Variants in GREM2 observed in about 807,000 individuals in gnomAD.
GREM2 encodes gremlin 2, DAN family BMP antagonist.
GREM2 carries 11 observed loss-of-function variants against 14.2 expected under a neutral mutation model. The observed-to-expected ratio is 0.78, with a 90% CI of 0.49 to 1.28. The LOEUF (loss-of-function observed/expected upper bound fraction) is 1.28, where lower values mean the gene tolerates loss of function less well. GREM2 is among the 50% of genes most tolerant of loss of function. The pLI is 0.00. For synonymous variants in GREM2, 98 were observed against 97.6 expected (o/e 1.00, Z -0.02); for missense variants, 210 against 218.5 (o/e 0.96, Z 0.24).
rs545231652 is a variant in GREM2 at position 240,571,031 on chromosome 1, G to A, written c.-2+40853C>T. Among the ~76,000 whole-genome samples, 3 of 152,226 alleles carry A rather than the reference G, an allele frequency of 2.0e-5. No individual in the cohort carries two copies. In the South Asian group the frequency reaches 6.2e-4, roughly 32 times the overall value. On this transcript the variant is annotated intron_variant, in intron 1 of 1. Coordinates refer to ENST00000318160, the MANE Select transcript of GREM2 (RefSeq NM_022469.4). The stretch of plus-strand genomic sequence containing the variant: ...TTCAACATTTGGAACACTTTAAAAT[G>A]ATCTTTGATAGGAATGATTTTGAAA...
At chr1:240,555,676 C>T (rs1036478400) in intron 1 of GREM2, among the ~76,000 whole-genome samples, 3 of 152,056 alleles carry the variant, frequency 2.0e-5, no homozygotes, top group African/African-American at 7.2e-5. Flanking sequence ...GTAGATGATA[C>T]AGTTAAGAGA....
intron 1 of GREM2, among the ~76,000 whole-genome samples, chr1:240,603,134 G>A (rs373372362): frequency 2.0e-5 from 3 of 152,192 alleles, no homozygotes; most frequent in East Asian, 3.9e-4. Context: ...GGTGCGGTGC[G>A]GAGCTATCAA....
intron 1 of GREM2, among the ~76,000 whole-genome samples, chr1:240,505,981 T>G: frequency 6.6e-6 from 1 of 152,106 alleles, no homozygotes; most frequent in Non-Finnish European, 1.5e-5. Context: ...TAACCATTTT[T>G]TTAAAAAAAA....
At chr1:240,552,002 C>T (rs1445724497) in intron 1 of GREM2, among the ~76,000 whole-genome samples, 1 of 151,962 alleles carries the variant, frequency 6.6e-6, no homozygotes, top group Admixed American at 6.6e-5. Context: ...ACTATGAAGC[C>T]AACATTCTCC....
At chr1:240,567,511 G>C (rs933769571) in intron 1 of GREM2, among the ~76,000 whole-genome samples, 34 of 152,048 alleles carry the variant, frequency 2.2e-4, no homozygotes, top group African/African-American at 6.0e-4. Flanking sequence ...AATTACAATG[G>C]AATAATGTCT....
intron 1 of GREM2, among the ~76,000 whole-genome samples, chr1:240,537,806 A>AAACT (rs1342344647): frequency 6.6e-6 from 1 of 152,102 alleles, no homozygotes; most frequent in East Asian, 1.9e-4. Context: ...ACAAACAAAC[A>AAACT]AAAACACTGA....
chr1:240,508,482 A>G (rs922605458), intron 1 of GREM2, among the ~76,000 whole-genome samples: 68 of 152,306 alleles, frequency 4.5e-4, no homozygotes, highest in African/African-American at 1.5e-3. Flanking sequence ...TCTGCCTTTT[A>G]TAACTGTTTA....
At chr1:240,526,833 A>G (rs1046242993) in intron 1 of GREM2, among the ~76,000 whole-genome samples, 2 of 152,238 alleles carry the variant, frequency 1.3e-5, no homozygotes, top group African/African-American at 4.8e-5. Flanking sequence ...GGATGTCGCC[A>G]GGTTAAAAAT....
At chr1:240,604,096 C>G (rs1160494647) in intron 1 of GREM2, among the ~76,000 whole-genome samples, 1 of 151,722 alleles carries the variant, frequency 6.6e-6, no homozygotes, top group Non-Finnish European at 1.5e-5. Context: ...GTGCCGGGCT[C>G]TCTTTAAAGA....
intron 1 of GREM2, among the ~76,000 whole-genome samples, chr1:240,584,830 A>G (rs1427827605): frequency 2.0e-5 from 3 of 152,350 alleles, no homozygotes; most frequent in Non-Finnish European, 4.4e-5. Flanking sequence ...CACAGGTTAC[A>G]TGAAAATACA....
chr1:240,582,855 A>C (rs2103379212), intron 1 of GREM2, among the ~76,000 whole-genome samples: 1 of 151,684 alleles, frequency 6.6e-6, no homozygotes, highest in Non-Finnish European at 1.5e-5. Context: ...CCAAGGAACA[A>C]AATTTTTTTA....
intron 1 of GREM2, among the ~76,000 whole-genome samples, chr1:240,576,585 GGT>G (rs1381423946): frequency 6.6e-6 from 1 of 152,060 alleles, no homozygotes; most frequent in Non-Finnish European, 1.5e-5. Context: ...AAACAACCCT[GGT>G]TGACCTAGTT....
chr1:240,533,519 A>G (rs1486541576), intron 1 of GREM2, among the ~76,000 whole-genome samples: 1 of 152,110 alleles, frequency 6.6e-6, no homozygotes, highest in Non-Finnish European at 1.5e-5. Context: ...TAAGCATAAT[A>G]TATTTATGTA....
At chr1:240,561,693 T>TATACACAC (rs1679040581) in intron 1 of GREM2, among the ~76,000 whole-genome samples, 1 of 145,722 alleles carries the variant, frequency 6.9e-6, no homozygotes, top group South Asian at 2.2e-4. Context: ...TAATCCTGCA[T>TATACACAC]ACACACACAC....
chr1:240,611,430 C>T (rs936188860), intron 1 of GREM2, among the ~76,000 whole-genome samples: 1 of 152,108 alleles, frequency 6.6e-6, no homozygotes, highest in Non-Finnish European at 1.5e-5. Context: ...AAAATCAAAA[C>T]TCTGCCGAAG....
At chr1:240,539,618 G>A (rs532547856) in intron 1 of GREM2, among the ~76,000 whole-genome samples, 4 of 152,258 alleles carry the variant, frequency 2.6e-5, no homozygotes, top group African/African-American at 4.8e-5. Flanking sequence ...TCGAAATAAC[G>A]TATCCAGGCT....
intron 1 of GREM2, among the ~76,000 whole-genome samples, chr1:240,511,221 C>T (rs1012860388): frequency 6.6e-6 from 1 of 152,150 alleles, no homozygotes; most frequent in Non-Finnish European, 1.5e-5. Context: ...GTATAGTCAG[C>T]ACTCCATATC....
intron 1 of GREM2, among the ~76,000 whole-genome samples, chr1:240,495,398 T>C (rs1677386260): frequency 6.6e-6 from 1 of 152,226 alleles, no homozygotes; most frequent in Admixed American, 6.5e-5. Context: ...GTTATATTTA[T>C]CAATCATGAG....
intron 1 of GREM2, among the ~76,000 whole-genome samples, chr1:240,509,239 G>GC (rs892156996): frequency 1.3e-5 from 2 of 152,046 alleles, no homozygotes; most frequent in African/African-American, 4.8e-5. Context: ...GTTGAGAGAG[G>GC]CCCCTGCACC....
Sources: allele counts gnomAD v4.1 joint callset (sites outside exome capture counted in the v4.1 genomes callset), GRCh38; gene constraint gnomAD v4.1.1; transcripts MANE v1.5; gene names NCBI Gene and HGNC (gene_info 2026-07-23, HGNC 2026-07-21).